The following ACACA variants were observed in gnomAD, a reference collection of about 807,000 sequenced individuals.
The protein encoded by ACACA is acetyl-CoA carboxylase 1.
Under a neutral mutation model 296.1 loss-of-function variants are expected in ACACA, and 103 were observed. The observed-to-expected ratio is 0.35, with a 90% CI of 0.30 to 0.41. ACACA has a LOEUF of 0.41. Ranked by LOEUF, ACACA falls within the 10% of genes least tolerant of loss-of-function variation. The probability of loss-of-function intolerance (pLI) is 1.00; values close to 1 mark genes in which losing one functional copy is unlikely to be tolerated. For missense variants in ACACA, 1,554 were observed against 2,989.7 expected, an observed-to-expected ratio of 0.52 and a Z score of 11.20; for synonymous variants, 953 against 1,038.6, an observed-to-expected ratio of 0.92 and a Z score of 1.58.
intron 30 of ACACA, among the ~76,000 whole-genome samples, chr17:37,210,210 C>T (rs192004449): frequency 6.6e-6 from 1 of 152,178 alleles, no homozygotes; most frequent in African/African-American, 2.4e-5. Flanking sequence ...GCAGATAAAC[C>T]CCCTATCATA....
chr17:37,294,006 C>A (rs991197188), intron 3 of ACACA, among the ~76,000 whole-genome samples: 4 of 151,764 alleles, frequency 2.6e-5, no homozygotes, highest in African/African-American at 9.7e-5. Flanking sequence ...TAATAGCCAG[C>A]GAACATAAGG....
At chr17:37,177,525 G>A (rs2077166018) in intron 41 of ACACA, among the ~76,000 whole-genome samples, 1 of 152,156 alleles carries the variant, frequency 6.6e-6, no homozygotes, top group African/African-American at 2.4e-5. Flanking sequence ...GTTTCACACA[G>A]CACTGCAGCT....
chr17:37,235,391 A>T (rs865953120), intron 24 of ACACA, among the ~76,000 whole-genome samples: 16 of 152,244 alleles, frequency 1.1e-4, no homozygotes, highest in Middle Eastern at 3.4e-3. Context: ...ATTTCATTAA[A>T]TTTTTTAAAA....
chr17:37,306,701 A>AT lies in ACACA; in HGVS notation c.339-21732dup, dbSNP rs978816353. Among the ~76,000 whole-genome samples the AT allele has an allele frequency of 1.5e-3, 223 of 146,734 alleles. 1 individual carries two copies. The highest frequency in any genetic ancestry group is 3.5e-3 in the Middle Eastern group (1 of 288). On this transcript the variant is annotated intron_variant, in intron 3 of 55. Coordinates refer to ENST00000616317, the MANE Select transcript of ACACA (RefSeq NM_198834.3). ...ATATTATGTGTATAAATTTATTATT[A>AT]TTTTTTTTTTTGCAATGGAGTCTTG...
At chr17:37,337,256 A>T (rs547819668) in intron 2 of ACACA, among the ~76,000 whole-genome samples, 152 of 151,970 alleles carry the variant, frequency 1.0e-3, no homozygotes, top group African/African-American at 3.3e-3. Flanking sequence ...CTAAAAAAAA[A>T]TTTTTTTTAA....
intron 41 of ACACA, among the ~76,000 whole-genome samples, chr17:37,173,581 T>C (rs775805002): frequency 3.9e-5 from 6 of 152,112 alleles, no homozygotes; most frequent in Non-Finnish European, 8.8e-5. Context: ...GCAGGGGTAT[T>C]TGTCATATCA....
intron 1 of ACACA, among the ~76,000 whole-genome samples, chr17:37,342,436 A>ATATATATATAT (rs1187263633): frequency 1.7e-5 from 1 of 58,218 alleles, no homozygotes; most frequent in Admixed American, 3.6e-4. Context: ...AAAAAAAAAA[A>ATATATATATAT]ATATATATAT....
At chr17:37,178,189 A>C (rs1303870936) in intron 41 of ACACA, among the ~76,000 whole-genome samples, 2 of 152,180 alleles carry the variant, frequency 1.3e-5, no homozygotes, top group Non-Finnish European at 2.9e-5. Context: ...TAAAATCAGA[A>C]AGAATCATAA....
intron 12 of ACACA, among the ~76,000 whole-genome samples, 168 bp downstream of exon 12, chr17:37,259,192 T>G (rs1399167473): frequency 6.6e-6 from 1 of 152,162 alleles, no homozygotes; most frequent in Non-Finnish European, 1.5e-5. Context: ...CTGTACTACA[T>G]CAGGAAAACC....
At chr17:37,208,192 A>G (rs1237452343) in intron 30 of ACACA, among the ~76,000 whole-genome samples, 1 of 152,178 alleles carries the variant, frequency 6.6e-6, no homozygotes, top group East Asian at 1.9e-4. Flanking sequence ...AAGCCAAGTG[A>G]GTTGTAACTA....
At chr17:37,143,234 A>T (rs923871356) in intron 45 of ACACA, among the ~76,000 whole-genome samples, 1 of 152,064 alleles carries the variant, frequency 6.6e-6, no homozygotes, top group Non-Finnish European at 1.5e-5. Flanking sequence ...CTAATAAAAA[A>T]ATTGTAATTT....
chr17:37,251,961 G>C, intron 16 of ACACA, 44 bp downstream of exon 16: 1 of 1,549,202 alleles, frequency 6.5e-7, no homozygotes, highest in Non-Finnish European at 8.9e-7. Context: ...CCTGTACTCA[G>C]GACCATTGAT....
intron 1 of ACACA, chr17:37,377,849 T>A: frequency 7.0e-7 from 1 of 1,433,798 alleles, no homozygotes; most frequent in South Asian, 1.2e-5. Context: ...CCTTCCCCGG[T>A]TCCCCTCCTC....
chr17:37,354,495 C>T (rs954286313), intron 1 of ACACA, among the ~76,000 whole-genome samples: 1 of 152,152 alleles, frequency 6.6e-6, no homozygotes, highest in East Asian at 1.9e-4. Flanking sequence ...GAATTAATGC[C>T]ATATCAATCA....
At chr17:37,179,458 CA>C (rs766718372) in intron 40 of ACACA, 52 bp from the exon 41 acceptor site, 32 of 1,589,684 alleles carry the variant, frequency 2.0e-5, no homozygotes, top group Non-Finnish European at 2.5e-5. Flanking sequence ...TCAATATAGA[CA>C]AAAATAATTA....
In ACACA at chr17:37,291,437, A is replaced by G. The variant is rs144977450; in HGVS notation, c.339-6467T>C. On this transcript the variant is annotated intron_variant, in intron 3 of 55. Coordinates refer to ENST00000616317, the MANE Select transcript of ACACA (RefSeq NM_198834.3). ...GTGATCCACCCGCCTCAGCCTCCCA[A>G]AGTGCTGGAATTACAGGTGTGAGCC... 2.3e-4 allele frequency among the ~76,000 whole-genome samples: 35 copies of G among 152,138 alleles called. 2 individuals are homozygous for G. The East Asian group carries it at 6.8e-3, about 30-fold the overall frequency.
At chr17:37,177,212 A>T (rs1377630675) in intron 41 of ACACA, among the ~76,000 whole-genome samples, 1 of 151,772 alleles carries the variant, frequency 6.6e-6, no homozygotes, top group Non-Finnish European at 1.5e-5. Context: ...TATCTTTTCC[A>T]CTAAGGTTTG....
intron 1 of ACACA, chr17:37,359,228 T>G: frequency 1.3e-6 from 1 of 795,478 alleles, no homozygotes; most frequent in Non-Finnish European, 1.5e-6. Flanking sequence ...CCGGGGTTAC[T>G]CCAGGCCGTT....
intron 5 of ACACA, 70 bp downstream of exon 5, chr17:37,283,197 C>G: frequency 6.3e-7 from 1 of 1,580,316 alleles, no homozygotes; most frequent in Non-Finnish European, 8.7e-7. Context: ...TTAACATTCT[C>G]CTACTTAAAG....
Sources: allele counts gnomAD v4.1 joint callset (sites outside exome capture counted in the v4.1 genomes callset), GRCh38; gene constraint gnomAD v4.1.1; transcripts MANE v1.5; gene names NCBI Gene and HGNC (gene_info 2026-07-23, HGNC 2026-07-21).